The following CSMD1 variants were observed in gnomAD, a reference collection of about 807,000 sequenced individuals.
CSMD1 encodes CUB and Sushi multiple domains 1, also known as CUB and sushi domain-containing protein 1.
Under a neutral mutation model 417.5 loss-of-function variants are expected in CSMD1, and 213 were observed. The ratio of observed to expected loss-of-function variants is 0.51; its 90% CI spans 0.46 to 0.57. The LOEUF (loss-of-function observed/expected upper bound fraction) is 0.57. Among genes scored for constraint, CSMD1 ranks in the 20% least tolerant of loss-of-function variants. The probability of loss-of-function intolerance (pLI) is 0.00; values close to 1 mark genes in which losing one functional copy is unlikely to be tolerated. For missense variants in CSMD1, 6,923 were observed against 4,529.7 expected (o/e 1.53, Z -15.17); for synonymous variants, 2,862 against 1,736.8 (o/e 1.65, Z -16.11).
intron 7 of CSMD1, among the ~76,000 whole-genome samples, chr8:3,665,839 C>A (rs181026407): frequency 1.3e-5 from 2 of 152,218 alleles, no homozygotes; most frequent in Admixed American, 6.5e-5. Flanking sequence ...AAGGCTTAGG[C>A]TCCTGCATTT....
intron 3 of CSMD1, among the ~76,000 whole-genome samples, chr8:4,183,712 A>C (rs1265077349): frequency 6.6e-6 from 1 of 152,254 alleles, no homozygotes. Flanking sequence ...CTATCAAATG[A>C]TGAAAAATAA....
intron 25 of CSMD1, among the ~76,000 whole-genome samples, chr8:3,298,626 T>A (rs897507182): frequency 4.6e-5 from 7 of 152,186 alleles, no homozygotes; most frequent in Non-Finnish European, 1.0e-4. Context: ...GCTTATTTTT[T>A]AATTTTTAAT....
At position 4,303,420 on chromosome 8, in the gene CSMD1, C is replaced by CTTTTTTTTTTTTTTTTTTT. The variant is rs1563419612; in HGVS notation, c.415+116532_415+116533insAAAAAAAAAAAAAAAAAAA. On this transcript the variant is annotated intron_variant, in intron 3 of 69. Transcript: ENST00000635120. Reference sequence around the variant, plus strand: ...TCTCATTTATATATTGGGCAGGAAGCTGTTTTTTTTTTTTTTTTTTTTTTT... The same window carrying CTTTTTTTTTTTTTTTTTTT: ...TCTCATTTATATATTGGGCAGGAAGCTTTTTTTTTTTTTTTTTTTTGTTTTTTTTTTTTTTTTTTTTTTT... Among the ~76,000 whole-genome samples, 3 of 92,318 alleles carry CTTTTTTTTTTTTTTTTTTT rather than the reference C, an allele frequency of 3.2e-5. 1 individual carries two copies. The highest frequency in any genetic ancestry group is 4.3e-5 in the African/African-American group (1 of 23,004). The allele number at this position is 92,318 out of a possible 152,430, so 60.6% of individuals were successfully genotyped here.
chr8:3,437,548 T>A (rs988513683), intron 12 of CSMD1, among the ~76,000 whole-genome samples: 1 of 152,168 alleles, frequency 6.6e-6, no homozygotes, highest in African/African-American at 2.4e-5. Flanking sequence ...GGCCAACGTA[T>A]CCAGGGAAAA....
rs568012878 is a variant in CSMD1, at chr8:3,072,411, T to C, written c.7474+14686A>G. Among the ~76,000 whole-genome samples, 5 of 152,320 alleles carry C rather than the reference T, an allele frequency of 3.3e-5. No homozygotes were observed. In the East Asian group the frequency reaches 7.7e-4, roughly 24 times the overall value. On this transcript the variant is annotated intron_variant, in intron 49 of 69. Coordinates refer to ENST00000635120, the MANE Select transcript of CSMD1 (RefSeq NM_033225.6). ...GCATAGCTAAGAACAAGCTTCAGAA[T>C]TTTTTTAAACCAGTCATAGAATAAA...
intron 3 of CSMD1, among the ~76,000 whole-genome samples, chr8:4,329,849 T>TACACACACAC (rs3067537): frequency 2.1e-4 from 32 of 150,292 alleles, no homozygotes; most frequent in South Asian, 6.4e-4. Context: ...CCACCCTGCT[T>TACACACACAC]ACACACACAC....
At chr8:4,048,173 T>C (rs1388855287) in intron 3 of CSMD1, among the ~76,000 whole-genome samples, 1 of 152,204 alleles carries the variant, frequency 6.6e-6, no homozygotes, top group Non-Finnish European at 1.5e-5. Context: ...GACTTTGTTT[T>C]GGTTGTTGGT....
chr8:4,331,645 C>T (rs1157658898), intron 3 of CSMD1, among the ~76,000 whole-genome samples: 4 of 152,062 alleles, frequency 2.6e-5, no homozygotes, highest in East Asian at 1.9e-4. Flanking sequence ...CAGTCATAAT[C>T]AATAAAGCTA....
At chr8:4,074,701 T>G (rs765387525) in intron 3 of CSMD1, among the ~76,000 whole-genome samples, 2 of 152,074 alleles carry the variant, frequency 1.3e-5, no homozygotes, top group Non-Finnish European at 2.9e-5. Flanking sequence ...AAAGATGACA[T>G]TGAGATTCCA....
At chr8:4,609,372 G>A (rs959419335) in intron 2 of CSMD1, among the ~76,000 whole-genome samples, 2 of 152,178 alleles carry the variant, frequency 1.3e-5, no homozygotes, top group African/African-American at 4.8e-5. Context: ...CTGCACTCCA[G>A]CCTGGGTGAC....
chr8:3,626,449 G>T (rs1053023939), intron 7 of CSMD1, among the ~76,000 whole-genome samples: 4 of 151,990 alleles, frequency 2.6e-5, no homozygotes, highest in Non-Finnish European at 5.9e-5. Context: ...TTAAAAATGT[G>T]GAAAGAAATG....
rs1453790634 is a variant in CSMD1, at chr8:4,205,376, A to C, written c.416-173277T>G. 2.6e-5 allele frequency among the ~76,000 whole-genome samples: 4 copies of C among 152,254 alleles called. No individual in the cohort carries two copies. In the East Asian group the frequency reaches 7.7e-4, roughly 29 times the overall value. The stretch of plus-strand genomic sequence containing the variant: ...AAATGTCACAAGGGAAAAAGTGTGA[A>C]CAATTTTTTAGCCTTGGCATGTGCC... On this transcript the variant is annotated intron_variant, in intron 3 of 69. Transcript: ENST00000635120.
chr8:4,712,081 A>G (rs1299613430), intron 1 of CSMD1, among the ~76,000 whole-genome samples: 1 of 152,196 alleles, frequency 6.6e-6, no homozygotes, highest in Non-Finnish European at 1.5e-5. Flanking sequence ...TGCCATGAAG[A>G]AGAAATTAGG....
intron 12 of CSMD1, among the ~76,000 whole-genome samples, chr8:3,432,508 CTTTTT>C (rs769207768): frequency 1.9e-5 from 2 of 105,324 alleles, no homozygotes; most frequent in Non-Finnish European, 3.7e-5. Context: ...TCAATATGGG[CTTTTT>C]TTTTTTTTTT....
At chr8:3,718,052 A>T (rs897529472) in intron 6 of CSMD1, among the ~76,000 whole-genome samples, 5 of 152,230 alleles carry the variant, frequency 3.3e-5, no homozygotes, top group African/African-American at 1.2e-4. Context: ...ACATAAAAGA[A>T]AATGTTCAGT....
intron 1 of CSMD1, among the ~76,000 whole-genome samples, chr8:4,643,201 T>G (rs1307472457): frequency 6.6e-6 from 1 of 152,244 alleles, no homozygotes; most frequent in East Asian, 1.9e-4. Flanking sequence ...ATCACCACAC[T>G]GGCTCCTTTC....
chr8:3,544,343 T>G (rs1478380026), intron 10 of CSMD1, among the ~76,000 whole-genome samples: 3 of 152,178 alleles, frequency 2.0e-5, no homozygotes, highest in Non-Finnish European at 4.4e-5. Flanking sequence ...AATTAATCCT[T>G]TATCACAAAC....
At chr8:3,637,058 T>G (rs531720161) in intron 7 of CSMD1, among the ~76,000 whole-genome samples, 5 of 152,278 alleles carry the variant, frequency 3.3e-5, no homozygotes, top group African/African-American at 1.2e-4. Context: ...CTCGCCAGAA[T>G]CAGGATCCTC....
intron 1 of CSMD1, among the ~76,000 whole-genome samples, chr8:4,967,757 G>C (rs574303409): frequency 1.2e-4 from 18 of 152,204 alleles, no homozygotes; most frequent in African/African-American, 4.3e-4. Flanking sequence ...TGAACTTCTT[G>C]TGTCATGTGA....
Sources: gnomAD v4.1 joint callset for allele counts (sites outside exome capture counted in the v4.1 genomes callset) on GRCh38, gnomAD v4.1.1 for gene constraint, MANE v1.5 for transcripts, NCBI Gene and HGNC (gene_info 2026-07-23, HGNC 2026-07-21) for gene names.